The following SMAD2 variants were observed in gnomAD, a reference collection of about 807,000 sequenced individuals.
SMAD2 encodes the protein MAD homolog 2.
In SMAD2, 8 loss-of-function variants were observed where a neutral mutation model predicts 64.4. The ratio of observed to expected loss-of-function variants is 0.12; its 90% CI spans 0.07 to 0.22. The LOEUF (loss-of-function observed/expected upper bound fraction) is 0.22, where lower values mean the gene tolerates loss of function less well. Ranked by LOEUF, SMAD2 falls within the 10% of genes least tolerant of loss-of-function variation. The probability of loss-of-function intolerance (pLI) is 1.00; values close to 1 mark genes in which losing one functional copy is unlikely to be tolerated. For missense variants in SMAD2, 289 were observed against 561.2 expected (o/e 0.51, Z 4.90); for synonymous variants, 203 against 195.8 (o/e 1.04, Z -0.31).
At position 47,866,657 on chromosome 18, in the gene SMAD2, T is replaced by A. The variant is rs1167781320; in HGVS notation, c.656-1524A>T. On this transcript the variant is annotated intron_variant, in intron 5 of 10. Coordinates refer to ENST00000262160, the MANE Select transcript of SMAD2 (RefSeq NM_005901.6). ...TTAAAATACGTTATCTTACTGTGTTTATTTTTTCCATTATTGTAATAAATA... is the reference window on the plus strand; with the variant it reads ...TTAAAATACGTTATCTTACTGTGTTAATTTTTTCCATTATTGTAATAAATA... Among the ~76,000 whole-genome samples the A allele has an allele frequency of 2.0e-5, 3 of 152,218 alleles. No homozygotes were observed. In the East Asian group the frequency reaches 5.8e-4, roughly 29 times the overall value.
Position 47,824,467 on chromosome 18 carries a change from T to C in SMAD2, c.*17360A>G, listed in dbSNP as rs537423327. 2.0e-5 allele frequency: 3 copies of C among 152,358 alleles called. No homozygotes were observed. The highest frequency in any genetic ancestry group is 3.9e-4 in the East Asian group (2 of 5,190). The allele number at this position is 152,358 out of a possible 1,614,324, so 9.4% of individuals were successfully genotyped here. ...AAGACAATTATATAATCTTTATCTG[T>C]CCTTTAAAAACCTGTCTTCCTTTAC... On this transcript the variant is annotated 3_prime_UTR_variant, in exon 11 of 11. Coordinates refer to ENST00000262160, the MANE Select transcript of SMAD2 (RefSeq NM_005901.6).
At position 47,855,828 on chromosome 18, in the gene SMAD2, C is replaced by T. The variant is rs1461075813; in HGVS notation, c.731-4501G>A. Among the ~76,000 whole-genome samples, 4 of 152,100 alleles carry T rather than the reference C, an allele frequency of 2.6e-5. No homozygotes were observed. In the East Asian group the frequency reaches 7.7e-4, roughly 29 times the overall value. On this transcript the variant is annotated intron_variant, in intron 6 of 10. Transcript: ENST00000262160. ...TTTAATTCTTTCAGCACTTTAAATA[C>T]ACCACCCATCTCTCCTGGCCTGCAA...
At chr18:47,919,513 CACACACAA>C (rs772932518) in intron 1 of SMAD2, among the ~76,000 whole-genome samples, 308 of 88,248 alleles carry the variant, frequency 3.5e-3, no homozygotes, top group Middle Eastern at 0.011. Flanking sequence ...CACACACACA[CACACACAA>C]AGAATAGGAG....
Position 47,840,002 on chromosome 18 carries a change from C to G in SMAD2, c.*1825G>C, listed in dbSNP as rs920006422. 4.3e-6 allele frequency: 1 copy of G among 233,060 alleles called. No individual in the cohort carries two copies. The allele number at this position is 233,060 out of a possible 1,614,324, so 14.4% of individuals were successfully genotyped here. A position where few individuals can be genotyped will look rare whatever the true frequency, so the allele number is the denominator to read the frequency against. On this transcript the variant is annotated 3_prime_UTR_variant, in exon 11 of 11. Coordinates refer to ENST00000262160, the MANE Select transcript of SMAD2 (RefSeq NM_005901.6). ...AGTGTAACTGCTGTCTCAGCAAAGG[C>G]AGGAACTGTAGTTGTCTTGTTCACC...
intron 2 of SMAD2, among the ~76,000 whole-genome samples, chr18:47,875,401 A>G (rs1224467150): frequency 6.6e-6 from 1 of 152,180 alleles, no homozygotes; most frequent in Admixed American, 6.6e-5. Context: ...TTCATAGTAC[A>G]AAAGTGGATT....
intron 2 of SMAD2, among the ~76,000 whole-genome samples, chr18:47,888,109 C>T: frequency 6.6e-6 from 1 of 152,012 alleles, no homozygotes; most frequent in East Asian, 1.9e-4. Context: ...AGAACATTTC[C>T]TATTATAACA....
chr18:47,842,281 C>A (rs936885505), intron 10 of SMAD2, among the ~76,000 whole-genome samples: 1 of 152,142 alleles, frequency 6.6e-6, no homozygotes, highest in South Asian at 2.1e-4. Flanking sequence ...GTGGCTCACA[C>A]CTGTAAGCCC....
intron 1 of SMAD2, among the ~76,000 whole-genome samples, chr18:47,898,989 T>C (rs1034374006): frequency 2.6e-5 from 4 of 151,972 alleles, no homozygotes; most frequent in Non-Finnish European, 4.4e-5. Flanking sequence ...CTGGGACGGG[T>C]AGGACAAAAG....
intron 1 of SMAD2, among the ~76,000 whole-genome samples, chr18:47,918,852 T>C (rs1032936015): frequency 5.9e-5 from 9 of 151,830 alleles, no homozygotes; most frequent in African/African-American, 9.7e-5. Context: ...ATGAAAAAAA[T>C]TGGAAGACTG....
At position 47,833,983 on chromosome 18, in the gene SMAD2, T is replaced by C. The variant is rs779339706; in HGVS notation, c.*7844A>G. On this transcript the variant is annotated 3_prime_UTR_variant, in exon 11 of 11. Transcript: ENST00000262160. ...AGCTATCTAGTTGGCCTCTTCTCTG[T>C]TCCATTATAACATCAGTTACCTTAG... The C allele has an allele frequency of 1.3e-5, 3 of 223,400 alleles. No homozygotes were observed. The highest frequency in any genetic ancestry group is 2.7e-5 in the Non-Finnish European group (3 of 112,152). The allele number at this position is 223,400 out of a possible 1,614,324, so 13.8% of individuals were successfully genotyped here. A position where few individuals can be genotyped will look rare whatever the true frequency, so the allele number is the denominator to read the frequency against.
At chr18:47,849,694 C>A (rs1466117575) in intron 7 of SMAD2, among the ~76,000 whole-genome samples, 1 of 152,006 alleles carries the variant, frequency 6.6e-6, no homozygotes, top group Admixed American at 6.6e-5. Context: ...AAATGCTATA[C>A]AAATATTTGT....
rs899478198 is a variant in SMAD2 at position 47,827,632 on chromosome 18, C to A, written c.*14195G>T. On this transcript the variant is annotated 3_prime_UTR_variant, in exon 11 of 11. Coordinates refer to ENST00000262160, the MANE Select transcript of SMAD2 (RefSeq NM_005901.6). ...AGTGCCTGGGATTGCAGACGCGCGCCGCCACGCCTGACTGGTTTTTGTATT... is the reference window on the plus strand; with the variant it reads ...AGTGCCTGGGATTGCAGACGCGCGCAGCCACGCCTGACTGGTTTTTGTATT... 30 of 158,158 alleles carry A rather than the reference C, an allele frequency of 1.9e-4. No homozygotes were observed. The highest frequency in any genetic ancestry group is 3.9e-4 in the Non-Finnish European group (28 of 72,664). 9.8% of individuals were successfully genotyped at this position (158,158 alleles called of 1,614,324 possible).
intron 1 of SMAD2, among the ~76,000 whole-genome samples, chr18:47,913,447 G>A (rs1459463069): frequency 1.3e-5 from 2 of 152,162 alleles, no homozygotes; most frequent in African/African-American, 2.4e-5. Flanking sequence ...GGAACTAAGT[G>A]AACACTTAAA....
rs878921152 is a variant in SMAD2, at chr18:47,828,057, G to A, written c.*13770C>T. ...GGGAGCGCCTCTGCCCCGCCGCCCC[G>A]TCTGGGATGTGAGGAGTGTCTCTGC... On this transcript the variant is annotated 3_prime_UTR_variant, in exon 11 of 11. Coordinates refer to ENST00000262160, the MANE Select transcript of SMAD2 (RefSeq NM_005901.6). The A allele has an allele frequency of 1.0e-4, 17 of 167,780 alleles. No individual in the cohort carries two copies. The highest frequency in any genetic ancestry group is 3.7e-4 in the East Asian group (2 of 5,440). 10.4% of individuals were successfully genotyped at this position (167,780 alleles called of 1,614,324 possible).
At chr18:47,888,557 A>T (rs971661130) in intron 2 of SMAD2, among the ~76,000 whole-genome samples, 1 of 152,208 alleles carries the variant, frequency 6.6e-6, no homozygotes, top group Non-Finnish European at 1.5e-5. Flanking sequence ...CAAGCTTTCA[A>T]TCAAAATCCC....
At chr18:47,914,300 A>G (rs553563247) in intron 1 of SMAD2, among the ~76,000 whole-genome samples, 1 of 152,342 alleles carries the variant, frequency 6.6e-6, no homozygotes, top group African/African-American at 2.4e-5. Flanking sequence ...CTTTTATGCC[A>G]CAACCTTGCT....
In SMAD2 at chr18:47,829,824, C is replaced by T. The variant is rs781122371; in HGVS notation, c.*12003G>A. On this transcript the variant is annotated 3_prime_UTR_variant, in exon 11 of 11. Transcript: ENST00000262160. ...AAATAATTTGTATGTTAAATTTAAG[C>T]ATCTGAATTCCGAAATGATAAAGAA... 9 of 152,316 alleles carry T rather than the reference C, an allele frequency of 5.9e-5. 1 individual carries two copies. In the South Asian group the frequency reaches 6.2e-4, roughly 11 times the overall value. The allele number at this position is 152,316 out of a possible 1,614,324, so 9.4% of individuals were successfully genotyped here.
At chr18:47,924,520 C>T (rs1010185202) in intron 1 of SMAD2, among the ~76,000 whole-genome samples, 53 of 150,258 alleles carry the variant, frequency 3.5e-4, no homozygotes, top group African/African-American at 4.9e-5. Flanking sequence ...GGAGAGCAGT[C>T]GCGGGATCTC....
At chr18:47,870,687 C>T in intron 2 of SMAD2, 123 bp from the exon 3 acceptor site, 2 of 766,824 alleles carry the variant, frequency 2.6e-6, no homozygotes, top group East Asian at 2.5e-5. Flanking sequence ...TATACAATTG[C>T]TTCACTTTTT....
Sources: allele counts gnomAD v4.1 joint callset (sites outside exome capture counted in the v4.1 genomes callset), GRCh38; gene constraint gnomAD v4.1.1; transcripts MANE v1.5; gene names NCBI Gene and HGNC (gene_info 2026-07-23, HGNC 2026-07-21).